The following RGR variants were observed in gnomAD, a reference collection of about 807,000 sequenced individuals.
The protein encoded by RGR is RPE-retinal G protein-coupled receptor.
Under a neutral mutation model 28.6 loss-of-function variants are expected in RGR, and 30 were observed. The observed-to-expected ratio is 1.05, with a 90% CI of 0.78 to 1.42. The LOEUF is 1.42. Among genes scored for constraint, RGR ranks in the 40% most tolerant of loss-of-function variants. The pLI, the probability that RGR is intolerant of heterozygous loss-of-function variation, is 0.00. For missense variants in RGR, 404 were observed against 375.6 expected (o/e 1.08, Z -0.62); for synonymous variants, 180 against 156.4 (o/e 1.15, Z -1.13).
In RGR at chr10:84,258,761, T is replaced by C; in HGVS notation, c.*122T>C. ...CCAGTGGCCCCGTGGATCCTGGTCCTAGGCTGGACACAGGATTCAGAAAGA... is the reference window on the plus strand; with the variant it reads ...CCAGTGGCCCCGTGGATCCTGGTCCCAGGCTGGACACAGGATTCAGAAAGA... On this transcript the variant is annotated 3_prime_UTR_variant, in exon 7 of 7. Transcript: ENST00000652092. 8.5e-6 allele frequency: 12 copies of C among 1,407,266 alleles called. No individual in the cohort carries two copies. The highest frequency in any genetic ancestry group is 7.2e-5 in the South Asian group (6 of 83,002). The allele number at this position is 1,407,266 out of a possible 1,614,324, so 87.2% of individuals were successfully genotyped here.
At position 84,252,949 on chromosome 10, in the gene RGR, G is replaced by A. The variant is rs1299584611; in HGVS notation, c.451G>A (p.Gly151Ser). ...FWAALPLLGWGHYDYEPLGTC... is the reference protein window; with the variant it reads ...FWAALPLLGWSHYDYEPLGTC... ...GGCAGCTCTGCCCCTTCTGGGTTGG[G>A]GTCACTACGACTATGAGCCACTGGG... Residue 151 changes from glycine to serine, a missense_variant, in exon 4 of 7, where the codon GGT becomes AGT. Transcript: ENST00000652092. The A allele has an allele frequency of 6.2e-7, 1 of 1,614,042 alleles. No homozygotes were observed. The highest frequency in any genetic ancestry group is 1.7e-5 in the Admixed American group (1 of 60,010).
chr10:84,257,698 A>C (rs79186964), intron 5 of RGR, among the ~76,000 whole-genome samples, 195 bp from the exon 6 acceptor site: 2,826 of 152,304 alleles, frequency 0.019, 93 homozygotes, highest in African/African-American at 0.065. Context: ...AAGTTTAAAT[A>C]AAAGGCTTAA....
In RGR at chr10:84,248,952, G is replaced by A; in HGVS notation, c.267G>A (p.Gln89=). Reference sequence around the variant, plus strand: ...GGCCCTACGGCTCGGACGGCTGCCAGGCTCACGGCTTCCAGGGCTTTGTGA... The same window carrying A: ...GGCCCTACGGCTCGGACGGCTGCCAAGCTCACGGCTTCCAGGGCTTTGTGA... ...RRWPYGSDGC[Q]AHGFQGFVTA... is the part of the protein sequence containing the mutation. The change falls in exon 3 of 7, where the codon CAG becomes CAA. Residue 89 remains glutamine (Q), a synonymous_variant. Transcript: ENST00000652092. 3.1e-6 allele frequency: 5 copies of A among 1,614,166 alleles called. No homozygotes were observed. The highest frequency in any genetic ancestry group is 4.2e-6 in the Non-Finnish European group (5 of 1,180,028).
chr10:84,258,622 A>T lies in RGR; in HGVS notation c.859A>T (p.Lys287Ter). 1 of 1,614,084 alleles carries T rather than the reference A, an allele frequency of 6.2e-7. No individual in the cohort carries two copies. The highest frequency in any genetic ancestry group is 8.5e-7 in the Non-Finnish European group (1 of 1,179,994). Residue 287 changes from lysine (K) to a stop codon, truncating the protein, a stop_gained, in exon 7 of 7, where the codon AAG becomes TAG. Coordinates refer to ENST00000652092, the MANE Select transcript of RGR (RefSeq NM_001012720.2). LOFTEE classifies it high-confidence loss of function. The stretch of plus-strand genomic sequence containing the variant: ...GTGCCTCTCACCGCAGAAGAGGGAG[A>T]AGGACCGAACCAAGTGAGCCTGCCA... ...WQCLSPQKREKDRTK is the reference protein window; with the variant it reads ...WQCLSPQKRE
chr10:84,256,475 C>A (rs753510408), intron 5 of RGR, among the ~76,000 whole-genome samples: 1 of 152,186 alleles, frequency 6.6e-6, no homozygotes, highest in African/African-American at 2.4e-5. Context: ...ACTCCACCAC[C>A]CATGTGGTCA....
At chr10:84,253,901 C>A (rs956015287) in intron 4 of RGR, among the ~76,000 whole-genome samples, 5 of 152,198 alleles carry the variant, frequency 3.3e-5, no homozygotes, top group Non-Finnish European at 5.9e-5. Flanking sequence ...CCTGGGAACC[C>A]AAGCTCTTCT....
intron 5 of RGR, 92 bp from the exon 6 acceptor site, chr10:84,257,801 G>A (rs1260808561): frequency 1.7e-5 from 18 of 1,037,570 alleles, no homozygotes; most frequent in East Asian, 4.9e-5. Context: ...ATGCTGCCCC[G>A]CCCTGCTGAG....
Position 84,252,993 on chromosome 10 carries a change from C to G in RGR, c.495C>G (p.Asp165Glu). ...CACTGGGGACATGCTGCACCCTGGA[C>G]TACTCCAAGGGGGACAGGTGAGGTG... is the stretch of plus-strand genomic sequence containing the variant. ...YEPLGTCCTL[D>E]YSKGDRNFTS... Residue 165 changes from aspartate to glutamate, a missense_variant, in exon 4 of 7, where the codon GAC becomes GAG. Physicochemically the swap from Asp to Glu is conservative, Grantham distance 45. Transcript: ENST00000652092. 6.2e-7 allele frequency: 1 copy of G among 1,613,738 alleles called. No homozygotes were observed. The highest frequency in any genetic ancestry group is 8.5e-7 in the Non-Finnish European group (1 of 1,180,034).
At chr10:84,247,867 G>T (rs990509517) in intron 2 of RGR, 120 bp downstream of exon 2, 2 of 1,419,336 alleles carry the variant, frequency 1.4e-6, no homozygotes, top group African/African-American at 1.4e-5. Flanking sequence ...CAAGGGCAGA[G>T]GGTGGGCAGG....
chr10:84,250,717 C>T (rs575364920), intron 3 of RGR: 5 of 385,354 alleles, frequency 1.3e-5, no homozygotes, highest in Non-Finnish European at 2.4e-5. Flanking sequence ...TACTCCATCC[C>T]TGGGTGGTTG....
rs1047164770 is a variant in RGR, at chr10:84,252,318, A to G, written c.359-539A>G. Among the ~76,000 whole-genome samples, 13 of 152,300 alleles carry G rather than the reference A, an allele frequency of 8.5e-5. No individual in the cohort carries two copies. In the South Asian group the frequency reaches 1.5e-3, roughly 17 times the overall value. On this transcript the variant is annotated intron_variant, in intron 3 of 6. Coordinates refer to ENST00000652092, the MANE Select transcript of RGR (RefSeq NM_001012720.2). ...AAGTGCTGAGGATGGTGGTAAGTCC[A>G]GACTTCTGCCTCCATCCCCTATGAC...
Position 84,245,112 on chromosome 10 carries a change from C to G in RGR, c.22C>G (p.Pro8Ala), listed in dbSNP as rs2132874091. 5 of 1,613,578 alleles carry G rather than the reference C, an allele frequency of 3.1e-6. No homozygotes were observed. The South Asian group carries it at 5.5e-5, about 18-fold the overall frequency. MAETSAL[P>A]TGFGELEVLA... The stretch of plus-strand genomic sequence containing the variant: ...GAGGATGGCAGAGACCAGTGCCCTG[C>G]CCACTGGCTTCGGGGAGCTCGAGGT... Residue 8 changes from proline to alanine, a missense_variant, in exon 1 of 7, where the codon CCC (proline) becomes GCC (alanine). Physicochemically the swap from Pro to Ala is conservative, Grantham distance 27. Coordinates refer to ENST00000652092, the MANE Select transcript of RGR (RefSeq NM_001012720.2).
At chr10:84,253,388 G>C (rs1168251787) in intron 4 of RGR, among the ~76,000 whole-genome samples, 1 of 152,162 alleles carries the variant, frequency 6.6e-6, no homozygotes, top group Non-Finnish European at 1.5e-5. Flanking sequence ...CCACGCCCTT[G>C]GTACAATAGA....
chr10:84,252,818 C>A, intron 3 of RGR, 39 bp from the exon 4 acceptor site: 1 of 1,613,636 alleles, frequency 6.2e-7, no homozygotes, highest in Non-Finnish European at 8.5e-7. Flanking sequence ...CAGGCCATCT[C>A]CTCCTCACAA....
chr10:84,248,964 C>G lies in RGR; in HGVS notation c.279C>G (p.Phe93Leu). The part of the protein sequence containing the change: ...YGSDGCQAHG[F>L]QGFVTALASI... ...CGGACGGCTGCCAGGCTCACGGCTT[C>G]CAGGGCTTTGTGACAGCGTTGGCCA... Residue 93 changes from phenylalanine to leucine, a missense_variant, in exon 3 of 7, where the codon TTC (phenylalanine) becomes TTG (leucine). By Grantham distance (22) the Phe-to-Leu change is conservative. Coordinates refer to ENST00000652092, the MANE Select transcript of RGR (RefSeq NM_001012720.2). 1 of 1,614,146 alleles carries G rather than the reference C, an allele frequency of 6.2e-7. No individual in the cohort carries two copies. Among genetic ancestry groups the G allele is most frequent in the Non-Finnish European group, 8.5e-7 (1 of 1,180,020 alleles).
chr10:84,248,182 G>A (rs373273394), intron 2 of RGR: 6 of 1,230,132 alleles, frequency 4.9e-6, no homozygotes, highest in East Asian at 9.9e-5. Context: ...ACACAAATGG[G>A]GGCGTTATCA....
At position 84,247,690 on chromosome 10, in the gene RGR, T is replaced by A; in HGVS notation, c.179T>A (p.Leu60His). The change falls in exon 2 of 7, where the codon CTT becomes CAT. Residue 60 changes from leucine to histidine, a missense_variant. By Grantham distance (99) the Leu-to-His change is moderately conservative. Transcript: ENST00000652092. ...PCHLLVLSLALADSGISLNAL... is the reference protein window; with the variant it reads ...PCHLLVLSLAHADSGISLNAL... ...CACCTACTGGTGCTGAGCTTGGCTCTTGCGGACAGTGGGATCAGCCTGAAT... is the reference window on the plus strand; with the variant it reads ...CACCTACTGGTGCTGAGCTTGGCTCATGCGGACAGTGGGATCAGCCTGAAT... 1 of 1,614,210 alleles carries A rather than the reference T, an allele frequency of 6.2e-7. No individual in the cohort carries two copies. The highest frequency in any genetic ancestry group is 8.5e-7 in the Non-Finnish European group (1 of 1,180,038).
In RGR at chr10:84,249,015, A is replaced by T. The variant is rs138044637; in HGVS notation, c.330A>T (p.Ala110=). The T allele has an allele frequency of 1.9e-6, 3 of 1,613,916 alleles. No homozygotes were observed. Among genetic ancestry groups the T allele is most frequent in the Admixed American group, 1.7e-5 (1 of 59,996 alleles). The change falls in exon 3 of 7, where the codon GCA becomes GCT. Residue 110 remains alanine (A), a synonymous_variant. Coordinates refer to ENST00000652092, the MANE Select transcript of RGR (RefSeq NM_001012720.2). The part of the protein sequence containing the change: ...LASICSSAAI[A]WGRYHHYCTR... ...GCATCTGCAGCAGTGCAGCCATCGC[A>T]TGGGGGCGTTATCACCACTACTGCA...
intron 5 of RGR, among the ~76,000 whole-genome samples, chr10:84,257,257 C>T (rs147011184): frequency 3.3e-5 from 5 of 152,304 alleles, no homozygotes; most frequent in Admixed American, 2.6e-4. Context: ...ACCCCAGCAT[C>T]TCCCGCTCTC....
Sources: allele counts gnomAD v4.1 joint callset (sites outside exome capture counted in the v4.1 genomes callset), GRCh38; gene constraint gnomAD v4.1.1; transcripts MANE v1.5; gene names NCBI Gene and HGNC (gene_info 2026-07-23, HGNC 2026-07-21).